Variants in PRMT3 observed in about 807,000 individuals in gnomAD.
The protein encoded by PRMT3 is protein arginine methyltransferase 3.
A neutral mutation model predicts 71.9 loss-of-function variants in PRMT3; 62 were observed. The observed-to-expected ratio is 0.86, with a 90% CI of 0.70 to 1.07. The LOEUF (loss-of-function observed/expected upper bound fraction) is 1.07. PRMT3 is among the 50% of genes least tolerant of loss of function. PRMT3 has a pLI of 0.00. For missense variants in PRMT3, 663 were observed against 643.0 expected (o/e 1.03, Z -0.34); for synonymous variants, 213 against 220.4 (o/e 0.97, Z 0.30).
chr11:20,500,933 T>C (rs1851443929), intron 15 of PRMT3, among the ~76,000 whole-genome samples: 1 of 152,238 alleles, frequency 6.6e-6, no homozygotes, highest in Non-Finnish European at 1.5e-5. Flanking sequence ...CCTATGTCCC[T>C]TTGCAGTCTG....
intron 10 of PRMT3, among the ~76,000 whole-genome samples, chr11:20,443,606 AT>A (rs1193224523): frequency 1.3e-5 from 2 of 152,110 alleles, no homozygotes; most frequent in Non-Finnish European, 2.9e-5. Flanking sequence ...CCATTAATGA[AT>A]TTTTTTCACC....
At chr11:20,494,109 T>A (rs1851276742) in intron 14 of PRMT3, 58 bp from the exon 15 acceptor site, 1 of 1,504,830 alleles carries the variant, frequency 6.6e-7, no homozygotes, top group Non-Finnish European at 9.2e-7. Context: ...TAGATTAATG[T>A]ACCATGATAT....
At chr11:20,465,698 C>T (rs1349966782) in intron 13 of PRMT3, among the ~76,000 whole-genome samples, 1 of 151,772 alleles carries the variant, frequency 6.6e-6, no homozygotes, top group Non-Finnish European at 1.5e-5. Flanking sequence ...ATTTAAATAT[C>T]CAGATTAAAG....
chr11:20,504,938 G>A (rs559860836), intron 15 of PRMT3, among the ~76,000 whole-genome samples: 63 of 152,262 alleles, frequency 4.1e-4, no homozygotes, highest in African/African-American at 1.4e-3. Context: ...TTGCCAGGTT[G>A]GCCAGGCTGG....
intron 9 of PRMT3, among the ~76,000 whole-genome samples, chr11:20,414,674 T>A (rs1274103924): frequency 6.6e-6 from 1 of 152,188 alleles, no homozygotes; most frequent in Non-Finnish European, 1.5e-5. Flanking sequence ...GACTTTCAGA[T>A]GTTACTGCAG....
At chr11:20,507,662 C>T (rs1423998972) in intron 15 of PRMT3, among the ~76,000 whole-genome samples, 1 of 151,840 alleles carries the variant, frequency 6.6e-6, no homozygotes, top group Non-Finnish European at 1.5e-5. Context: ...GCCTGTAATC[C>T]CAGCTACTTG....
intron 8 of PRMT3, chr11:20,406,840 C>T (rs1849082630): frequency 6.6e-6 from 1 of 152,096 alleles, no homozygotes; most frequent in Non-Finnish European, 1.5e-5. Flanking sequence ...TAATAGCTAT[C>T]CTAGTTGGTG....
At chr11:20,476,050 TAAAAAC>T (rs1850774658) in intron 13 of PRMT3, among the ~76,000 whole-genome samples, 1 of 151,540 alleles carries the variant, frequency 6.6e-6, no homozygotes, top group Non-Finnish European at 1.5e-5. Flanking sequence ...AGCAGGCACA[TAAAAAC>T]AAATAAAACA....
intron 13 of PRMT3, among the ~76,000 whole-genome samples, chr11:20,474,215 AGCTGT>A (rs993819387): frequency 2.6e-5 from 4 of 152,186 alleles, no homozygotes; most frequent in Non-Finnish European, 5.9e-5. Flanking sequence ...TTGGTAGTGA[AGCTGT>A]GCTGTGCTGT....
intron 11 of PRMT3, among the ~76,000 whole-genome samples, chr11:20,453,900 A>C (rs552554764): frequency 9.2e-5 from 14 of 152,244 alleles, no homozygotes; most frequent in African/African-American, 3.4e-4. Flanking sequence ...CGCAGTGAGC[A>C]TTTCCTTTGG....
chr11:20,474,938 A>C (rs2896604), intron 13 of PRMT3, among the ~76,000 whole-genome samples: 2,945 of 152,308 alleles, frequency 0.019, 92 homozygotes, highest in African/African-American at 0.065. Flanking sequence ...AATAATTTTA[A>C]ACTTTTCTAA....
intron 8 of PRMT3, chr11:20,406,464 G>C: frequency 6.6e-6 from 1 of 152,112 alleles, no homozygotes. Flanking sequence ...TTGTTACAGC[G>C]AATGTCAGAA....
At chr11:20,447,016 G>T (rs938195892) in intron 10 of PRMT3, among the ~76,000 whole-genome samples, 2 of 152,084 alleles carry the variant, frequency 1.3e-5, no homozygotes, top group African/African-American at 4.8e-5. Flanking sequence ...GTTAGCATTA[G>T]CACATTTTAA....
intron 11 of PRMT3, among the ~76,000 whole-genome samples, chr11:20,458,742 T>C (rs1211928545): frequency 6.6e-6 from 1 of 152,188 alleles, no homozygotes; most frequent in Non-Finnish European, 1.5e-5. Flanking sequence ...AATAATTTTA[T>C]TTGCAAATTC....
chr11:20,392,141 T>C (rs1181130238), intron 3 of PRMT3, 70 bp from the exon 4 acceptor site: 1 of 1,434,384 alleles, frequency 7.0e-7, no homozygotes, highest in Non-Finnish European at 9.5e-7. Context: ...CAGAGAAGGC[T>C]TTATAGAATA....
chr11:20,416,673 G>A (rs985395109), intron 9 of PRMT3, among the ~76,000 whole-genome samples: 1 of 152,010 alleles, frequency 6.6e-6, no homozygotes, highest in South Asian at 2.1e-4. Context: ...TATTAGAACT[G>A]AGTTATTGCT....
intron 10 of PRMT3, among the ~76,000 whole-genome samples, chr11:20,430,534 A>G (rs1319590033): frequency 6.6e-6 from 1 of 152,180 alleles, no homozygotes; most frequent in Non-Finnish European, 1.5e-5. Flanking sequence ...TGCATTAACA[A>G]ATTTCCAGTT....
chr11:20,446,658 A>G (rs1030654560), intron 10 of PRMT3, among the ~76,000 whole-genome samples: 18 of 152,286 alleles, frequency 1.2e-4, no homozygotes, highest in African/African-American at 4.3e-4. Flanking sequence ...TTGATGATAC[A>G]TATCAAAATT....
intron 13 of PRMT3, among the ~76,000 whole-genome samples, chr11:20,483,845 T>C (rs989757291): frequency 1.3e-5 from 2 of 152,202 alleles, no homozygotes; most frequent in East Asian, 3.9e-4. Context: ...TATGGCTTCT[T>C]CTTGAAAGCC....
Sources: allele counts gnomAD v4.1 joint callset (sites outside exome capture counted in the v4.1 genomes callset), GRCh38; gene constraint gnomAD v4.1.1; transcripts MANE v1.5; gene names NCBI Gene and HGNC (gene_info 2026-07-23, HGNC 2026-07-21).